DNAH6: variants seen among roughly 807,000 people sequenced by gnomAD.
The protein encoded by DNAH6 is axonemal beta dynein heavy chain 6.
A neutral mutation model predicts 491.4 loss-of-function variants in DNAH6; 340 were observed. The ratio of observed to expected loss-of-function variants is 0.69; its 90% CI spans 0.63 to 0.76. The LOEUF (loss-of-function observed/expected upper bound fraction) is 0.76, where lower values mean the gene tolerates loss of function less well. Ranked by LOEUF, DNAH6 falls within the 30% of genes least tolerant of loss-of-function variation. The probability of loss-of-function intolerance (pLI) is 0.00; values close to 1 mark genes in which losing one functional copy is unlikely to be tolerated. For synonymous variants in DNAH6, 1,603 were observed against 1,686.1 expected, an observed-to-expected ratio of 0.95 and a Z score of 1.21; for missense variants, 4,443 against 4,972.2, an observed-to-expected ratio of 0.89 and a Z score of 3.20.
the DNAH6 span, among the ~76,000 whole-genome samples, chr2:84,462,772 G>T: frequency 1.3e-5 from 2 of 151,752 alleles, no homozygotes; most frequent in Non-Finnish European, 2.9e-5. Context: ...AGGCCTAACT[G>T]TTAAGGCTAT....
Position 84,740,591 on chromosome 2 carries a change from C to T in DNAH6, c.10343-4489C>T, listed in dbSNP as rs868793577. 4.6e-5 allele frequency among the ~76,000 whole-genome samples: 7 copies of T among 152,272 alleles called. No individual in the cohort carries two copies. In the South Asian group the frequency reaches 1.2e-3, roughly 27 times the overall value. On this transcript the variant is annotated intron_variant, in intron 62 of 76. Coordinates refer to ENST00000389394, the MANE Select transcript of DNAH6 (RefSeq NM_001370.2). ...GGGGGTCTTTGGTGGGCTGCACTCT[C>T]CCCTCCTTTAGGGACAGTCTGCAGC...
chr2:84,526,228 G>GA (rs201035828), intron 3 of DNAH6, among the ~76,000 whole-genome samples: 15 of 148,828 alleles, frequency 1.0e-4, no homozygotes, highest in South Asian at 8.5e-4. Flanking sequence ...GATAACTGAA[G>GA]AAAAAAAAAC....
intron 13 of DNAH6, 92 bp downstream of exon 13, chr2:84,577,500 A>G (rs1398794515): frequency 7.8e-6 from 7 of 891,896 alleles, no homozygotes; most frequent in Non-Finnish European, 9.5e-6. Context: ...ATTTTATAGT[A>G]TTGCAAATAT....
chr2:84,772,091 A>G (rs551429965), intron 64 of DNAH6, among the ~76,000 whole-genome samples: 1 of 152,338 alleles, frequency 6.6e-6, no homozygotes, highest in East Asian at 1.9e-4. Context: ...AGAGCTATGT[A>G]GTAGCAAATT....
At chr2:84,661,543 T>G (rs1483268439) in intron 37 of DNAH6, among the ~76,000 whole-genome samples, 1 of 152,100 alleles carries the variant, frequency 6.6e-6, no homozygotes, top group Non-Finnish European at 1.5e-5. Context: ...AAGAATACCA[T>G]TTATATAAGC....
Position 84,577,266 on chromosome 2 carries a change from T to C in DNAH6, c.1934T>C (p.Phe645Ser). ...GAATTTTTTTATGTAGATATTAACT[T>C]TTTTAGTGAACAACTGGAAAAATAT... The part of the protein sequence containing the change: ...ALKLQEPDIN[F>S]FSEQLEKYHK... The change falls in exon 13 of 77, where the codon TTT becomes TCT. Residue 645 changes from phenylalanine (F) to serine (S), a missense_variant. Around this residue, in one of 3 missense-constraint regions of DNAH6, gnomAD observed 2,977 missense variants for 3,296.6 expected, o/e 0.90. Coordinates refer to ENST00000389394, the MANE Select transcript of DNAH6 (RefSeq NM_001370.2). The C allele has an allele frequency of 6.3e-7, 1 of 1,581,732 alleles. No homozygotes were observed. Among genetic ancestry groups the C allele is most frequent in the East Asian group, 2.3e-5 (1 of 44,392 alleles).
intron 73 of DNAH6, 44 bp from the exon 74 acceptor site, chr2:84,813,013 TC>T: frequency 6.7e-7 from 1 of 1,501,204 alleles, no homozygotes. Context: ...GAAAACAAAT[TC>T]CATCCCAGAA....
chr2:84,809,101 G>T (rs1259389022), intron 72 of DNAH6, among the ~76,000 whole-genome samples: 4 of 152,262 alleles, frequency 2.6e-5, no homozygotes. Flanking sequence ...GCAAACACCT[G>T]TTTGATCTTC....
At chr2:84,609,281 C>T (rs1686081497) in intron 21 of DNAH6, among the ~76,000 whole-genome samples, 1 of 152,164 alleles carries the variant, frequency 6.6e-6, no homozygotes, top group Admixed American at 6.5e-5. Flanking sequence ...TTTGCATTCA[C>T]AGCTGTCTTA....
chr2:84,554,923 T>A (rs1679869828), intron 10 of DNAH6, among the ~76,000 whole-genome samples: 1 of 152,234 alleles, frequency 6.6e-6, no homozygotes, highest in Non-Finnish European at 1.5e-5. Context: ...TCTCATTTCC[T>A]ATTATAGGAC....
intron 64 of DNAH6, among the ~76,000 whole-genome samples, chr2:84,770,532 A>G (rs1675504725): frequency 6.6e-6 from 1 of 152,222 alleles, no homozygotes; most frequent in East Asian, 1.9e-4. Flanking sequence ...ATTAAAAGGA[A>G]ACAAGTAGAA....
At chr2:84,598,851 G>A (rs184602892) in intron 18 of DNAH6, among the ~76,000 whole-genome samples, 9 of 152,078 alleles carry the variant, frequency 5.9e-5, no homozygotes, top group African/African-American at 2.2e-4. Flanking sequence ...CCAACATGGT[G>A]AAACCCCGTC....
chr2:84,746,090 G>A (rs548030455), intron 63 of DNAH6, among the ~76,000 whole-genome samples: 5 of 152,306 alleles, frequency 3.3e-5, no homozygotes, highest in Non-Finnish European at 7.3e-5. Flanking sequence ...GGAGTAATGT[G>A]TGAGAGAGAG....
intron 63 of DNAH6, among the ~76,000 whole-genome samples, chr2:84,759,544 G>A (rs921314696): frequency 1.6e-4 from 24 of 151,684 alleles, no homozygotes; most frequent in African/African-American, 5.8e-4. Context: ...CAATACCTAG[G>A]AATATATTTA....
At chr2:84,474,875 T>C in the DNAH6 span, among the ~76,000 whole-genome samples, 1 of 152,220 alleles carries the variant, frequency 6.6e-6, no homozygotes, top group Non-Finnish European at 1.5e-5. Flanking sequence ...CAATAGTTAC[T>C]GTGCAAATAG....
chr2:84,549,738 C>A, intron 8 of DNAH6, 151 bp from the exon 9 acceptor site: 1 of 574,288 alleles, frequency 1.7e-6, no homozygotes, highest in Middle Eastern at 4.7e-4. Context: ...CTCTTCTGGA[C>A]AGTACATTTC....
At chr2:84,730,553 AAAAAAAAAATCTC>A (rs1208897274) in intron 61 of DNAH6, among the ~76,000 whole-genome samples, 1 of 146,830 alleles carries the variant, frequency 6.8e-6, no homozygotes, top group African/African-American at 2.6e-5. Flanking sequence ...TGATGAGCTT[AAAAAAAAAATCTC>A]AAAAAAAAAA....
At chr2:84,553,484 A>C (rs1242823498) in intron 10 of DNAH6, among the ~76,000 whole-genome samples, 1 of 138,354 alleles carries the variant, frequency 7.2e-6, no homozygotes, top group Non-Finnish European at 1.5e-5. Flanking sequence ...TTTTTTTGAA[A>C]CAGGGATTCA....
upstream of DNAH6, among the ~76,000 whole-genome samples, chr2:84,516,064 C>T (rs1675569226): frequency 1.3e-5 from 2 of 152,096 alleles, no homozygotes; most frequent in Non-Finnish European, 2.9e-5. Flanking sequence ...GAGAGTGGGA[C>T]CTCATTTGTC....
Sources: allele counts gnomAD v4.1 joint callset (sites outside exome capture counted in the v4.1 genomes callset), GRCh38; gene constraint gnomAD v4.1.1; regional missense constraint gnomAD v4.1.1; transcripts MANE v1.5; gene names NCBI Gene and HGNC (gene_info 2026-07-23, HGNC 2026-07-21).